The following ZC3H12B variants were observed in gnomAD, a reference collection of about 807,000 sequenced individuals.
ZC3H12B encodes zinc finger CCCH-type containing 12B.
Under a neutral mutation model 43.9 loss-of-function variants are expected in ZC3H12B, and 7 were observed. The observed-to-expected ratio is 0.16, with a 90% confidence interval of 0.09 to 0.30. The LOEUF (loss-of-function observed/expected upper bound fraction) is 0.30, where lower values mean the gene tolerates loss of function less well. Among genes scored for constraint, ZC3H12B ranks in the 10% least tolerant of loss-of-function variants. The pLI is 1.00. For missense variants in ZC3H12B, 475 were observed against 670.2 expected (o/e 0.71, Z 3.22); for synonymous variants, 222 against 241.7 (o/e 0.92, Z 0.76).
At chrX:65,215,601 C>T in the ZC3H12B span, among the ~76,000 whole-genome samples, 22 of 111,267 alleles carry the variant, frequency 2.0e-4, no homozygotes, top group African/African-American at 7.2e-4. Flanking sequence ...GATCTTCAAT[C>T]CAGACCACTA....
At chrX:65,383,834 A>T (rs1306508614) in intron 2 of ZC3H12B, among the ~76,000 whole-genome samples, 5 of 110,618 alleles carry the variant, frequency 4.5e-5, no homozygotes, top group Non-Finnish European at 9.5e-5. Context: ...ATTTCACACC[A>T]GTTAGAATGG....
chrX:65,227,998 A>T, the ZC3H12B span, among the ~76,000 whole-genome samples: 9,024 of 111,416 alleles, frequency 0.081, 1,004 homozygotes, highest in African/African-American at 0.29. Flanking sequence ...ATTCCAATCA[A>T]AAGAAAAAGA....
chrX:65,449,604 A>T (rs1193399651), intron 3 of ZC3H12B, among the ~76,000 whole-genome samples: 1 of 110,740 alleles, frequency 9.0e-6, no homozygotes, highest in Non-Finnish European at 1.9e-5. Flanking sequence ...GGGTGACAGA[A>T]TGAGACTCCA....
chrX:65,153,434 T>C, the ZC3H12B span, among the ~76,000 whole-genome samples: 1 of 112,021 alleles, frequency 8.9e-6, no homozygotes, highest in Non-Finnish European at 1.9e-5. Context: ...TGAACAGACA[T>C]TTCTCAAAAG....
the ZC3H12B span, among the ~76,000 whole-genome samples, chrX:65,303,323 C>T: frequency 1.2e-4 from 13 of 110,995 alleles, no homozygotes; most frequent in Non-Finnish European, 2.3e-4. Flanking sequence ...ATGAATTTAC[C>T]TATATAACAA....
At chrX:65,229,806 A>G in the ZC3H12B span, among the ~76,000 whole-genome samples, 3 of 108,152 alleles carry the variant, frequency 2.8e-5, no homozygotes, top group Non-Finnish European at 5.8e-5. Context: ...ACTGGCCATC[A>G]GAGAAATGCA....
chrX:65,052,909 G>T, the ZC3H12B span, among the ~76,000 whole-genome samples: 3 of 111,529 alleles, frequency 2.7e-5, no homozygotes, highest in South Asian at 3.7e-4. Flanking sequence ...GTATATAAGG[G>T]TTCACTTTTC....
intron 3 of ZC3H12B, among the ~76,000 whole-genome samples, chrX:65,417,841 T>A (rs1235316587): frequency 8.9e-6 from 1 of 112,710 alleles, no homozygotes; most frequent in Admixed American, 9.4e-5. Context: ...CTGTACCTTA[T>A]TATTACCCAA....
chrX:65,435,025 C>T (rs759427672), intron 3 of ZC3H12B, among the ~76,000 whole-genome samples: 1 of 112,107 alleles, frequency 8.9e-6, no homozygotes, highest in South Asian at 3.7e-4. Flanking sequence ...CCTACTATTT[C>T]TCAATCAAAG....
the ZC3H12B span, among the ~76,000 whole-genome samples, chrX:65,178,369 G>A: frequency 1.4e-4 from 16 of 111,732 alleles, no homozygotes; most frequent in South Asian, 3.7e-4. Flanking sequence ...ACTTCATGAC[G>A]AAAACACCAA....
At chrX:65,451,683 A>C (rs763876136) in intron 3 of ZC3H12B, among the ~76,000 whole-genome samples, 2 of 111,649 alleles carry the variant, frequency 1.8e-5, no homozygotes, top group African/African-American at 6.5e-5. Flanking sequence ...TACCTCTTCT[A>C]GTCTTTATGG....
intron 3 of ZC3H12B, among the ~76,000 whole-genome samples, chrX:65,464,081 G>A (rs752292639): frequency 4.5e-5 from 5 of 112,156 alleles, no homozygotes; most frequent in African/African-American, 1.3e-4. Context: ...TTAGATAAAT[G>A]TTCTACTATT....
chrX:65,478,923 T>C (rs183229298), intron 3 of ZC3H12B, among the ~76,000 whole-genome samples: 1 of 112,461 alleles, frequency 8.9e-6, no homozygotes, highest in East Asian at 2.8e-4. Flanking sequence ...AAGTTTTTTT[T>C]GTCAACTTCT....
At chrX:65,065,162 G>A in the ZC3H12B span, among the ~76,000 whole-genome samples, 1 of 110,208 alleles carries the variant, frequency 9.1e-6, no homozygotes, top group Non-Finnish European at 1.9e-5. Context: ...ATATTGTTTT[G>A]TTTGAATTGG....
chrX:65,238,207 G>A, the ZC3H12B span, among the ~76,000 whole-genome samples: 1 of 111,918 alleles, frequency 8.9e-6, no homozygotes, highest in African/African-American at 3.2e-5. Context: ...CAATTTAGCT[G>A]TAAATCTGTC....
At chrX:65,093,254 T>G in the ZC3H12B span, among the ~76,000 whole-genome samples, 1 of 112,191 alleles carries the variant, frequency 8.9e-6, no homozygotes, top group Non-Finnish European at 1.9e-5. Flanking sequence ...GGAAGCCTGA[T>G]GCAGGAACAA....
intron 3 of ZC3H12B, among the ~76,000 whole-genome samples, chrX:65,439,637 A>G (rs1264610592): frequency 2.7e-5 from 3 of 112,070 alleles, no homozygotes; most frequent in Non-Finnish European, 5.6e-5. Flanking sequence ...TCATAGAATG[A>G]TTGCATCCAG....
Position 65,480,995 on chromosome X carries a change from A to C in ZC3H12B, n.408-7651A>C, listed in dbSNP as rs1009892844. ...TGTGGACAGTTCTTGCTTTTAGTAG[A>C]GTTCACAATCTAGTTGGGGAGAGAA... On this transcript the variant is annotated intron_variant and non_coding_transcript_variant, in intron 3 of 5. Coordinates refer to the ZC3H12B transcript ENST00000617377. 1.7e-4 allele frequency among the ~76,000 whole-genome samples: 19 copies of C among 111,858 alleles called. No homozygotes were observed. In the East Asian group the frequency reaches 4.7e-3, roughly 28 times the overall value.
intron 2 of ZC3H12B, among the ~76,000 whole-genome samples, chrX:65,391,210 C>G (rs2148031460): frequency 8.9e-6 from 1 of 111,967 alleles, no homozygotes; most frequent in South Asian, 3.7e-4. Context: ...ATGGCTTTTC[C>G]AATATAAAAG....
Sources: allele counts gnomAD v4.1 joint callset (sites outside exome capture counted in the v4.1 genomes callset), GRCh38; gene constraint gnomAD v4.1.1; transcripts MANE v1.5; gene names NCBI Gene and HGNC (gene_info 2026-07-23, HGNC 2026-07-21).